Variants in NLGN1 observed in about 807,000 individuals in gnomAD.
NLGN1 encodes neuroligin-1.
A neutral mutation model predicts 65.5 loss-of-function variants in NLGN1; 12 were observed. The observed-to-expected ratio is 0.18, with a 90% CI of 0.12 to 0.30. The LOEUF (loss-of-function observed/expected upper bound fraction) is 0.30. Ranked by LOEUF, NLGN1 falls within the 10% of genes least tolerant of loss-of-function variation. The pLI is 1.00. For missense variants in NLGN1, 750 were observed against 1,007.1 expected (o/e 0.74, Z 3.46); for synonymous variants, 350 against 359.5 (o/e 0.97, Z 0.30).
At position 173,711,053 on chromosome 3, in the gene NLGN1, T is replaced by G. The variant is rs137959532; in HGVS notation, c.494-96627T>G. Among the ~76,000 whole-genome samples the G allele has an allele frequency of 1.0e-2, 1,521 of 152,264 alleles. 24 individuals are homozygous for G. The highest frequency in any genetic ancestry group is 0.028 in the South Asian group (137 of 4,824). ...ACACATATTTATTTATTATTCAATA[T>G]TAGTCTACACAGGCAAGAAGATCCA... On this transcript the variant is annotated intron_variant, in intron 3 of 6. Coordinates refer to ENST00000457714, the Ensembl canonical transcript of NLGN1.
intron 2 of NLGN1, among the ~76,000 whole-genome samples, chr3:173,521,417 A>G (rs1345880189): frequency 6.6e-6 from 1 of 152,248 alleles, no homozygotes; most frequent in African/African-American, 2.4e-5. Flanking sequence ...TTACTTGTTA[A>G]AACCATGGTT....
At chr3:173,989,284 T>C (rs945785882) in intron 4 of NLGN1, among the ~76,000 whole-genome samples, 12 of 152,280 alleles carry the variant, frequency 7.9e-5, no homozygotes, top group Middle Eastern at 3.4e-3. Flanking sequence ...AAGTCAGTTT[T>C]TTAAAAAGAA....
chr3:173,405,173 G>A (rs1372452807), intron 1 of NLGN1, among the ~76,000 whole-genome samples: 2 of 152,034 alleles, frequency 1.3e-5, no homozygotes, highest in South Asian at 2.1e-4. Flanking sequence ...GTTTTTGAAG[G>A]GCTCCGCGAT....
At chr3:174,170,980 T>C (rs899842738) in intron 4 of NLGN1, among the ~76,000 whole-genome samples, 3 of 152,184 alleles carry the variant, frequency 2.0e-5, no homozygotes, top group African/African-American at 7.2e-5. Context: ...AAAATTTACA[T>C]TCATGTCAAG....
intron 4 of NLGN1, among the ~76,000 whole-genome samples, chr3:174,182,558 G>T (rs573986748): frequency 6.6e-6 from 1 of 152,256 alleles, no homozygotes; most frequent in African/African-American, 2.4e-5. Context: ...TAAGGCCTGA[G>T]ATTTTGCATT....
intron 2 of NLGN1, among the ~76,000 whole-genome samples, chr3:173,529,550 G>A (rs1044471303): frequency 1.8e-4 from 28 of 152,132 alleles, no homozygotes; most frequent in Admixed American, 1.6e-3. Context: ...GCCCTAGATC[G>A]GCAAGAACTT....
Position 173,845,868 on chromosome 3 carries a change from A to AT in NLGN1, c.646+38043dup, listed in dbSNP as rs1560483089. On this transcript the variant is annotated intron_variant, in intron 4 of 6. Coordinates refer to ENST00000457714, the Ensembl canonical transcript of NLGN1. ...TTTTCTTAAGTGTTTTTTAATTAAA[A>AT]TTTTTTTCGATATCATAGTATTCAG... Among the ~76,000 whole-genome samples, 5 of 151,946 alleles carry AT rather than the reference A, an allele frequency of 3.3e-5. 1 individual carries two copies. The South Asian group carries it at 8.3e-4, about 25-fold the overall frequency.
chr3:174,095,497 A>G (rs1325024026), intron 4 of NLGN1, among the ~76,000 whole-genome samples: 1 of 145,810 alleles, frequency 6.9e-6, no homozygotes, highest in Non-Finnish European at 1.5e-5. Flanking sequence ...GTGTGTGTGT[A>G]GAATTATGGA....
chr3:173,612,403 G>A (rs1474642998), intron 3 of NLGN1, among the ~76,000 whole-genome samples: 1 of 152,104 alleles, frequency 6.6e-6, no homozygotes, highest in East Asian at 1.9e-4. Context: ...GAGTCAAGAA[G>A]TTTAAAATCA....
At chr3:173,573,067 T>C (rs1744908202) in intron 2 of NLGN1, among the ~76,000 whole-genome samples, 1 of 152,202 alleles carries the variant, frequency 6.6e-6, no homozygotes, top group Non-Finnish European at 1.5e-5. Context: ...TCCATTTGTA[T>C]TACTTCCGAA....
chr3:173,903,845 G>A (rs1161791440), intron 4 of NLGN1, among the ~76,000 whole-genome samples: 1 of 152,156 alleles, frequency 6.6e-6, no homozygotes, highest in African/African-American at 2.4e-5. Flanking sequence ...TCAGGGAGCT[G>A]TAAGGAGATC....
rs1253017735 is a variant in NLGN1 at position 173,501,787 on chromosome 3, T to TATAG, written c.-321+66715_-321+66718dup. Among the ~76,000 whole-genome samples the TATAG allele has an allele frequency of 3.3e-5, 5 of 152,044 alleles. No individual in the cohort carries two copies. In the East Asian group the frequency reaches 9.7e-4, roughly 29 times the overall value. On this transcript the variant is annotated intron_variant, in intron 2 of 6. Coordinates refer to ENST00000457714, the Ensembl canonical transcript of NLGN1. ...AACATCTCATAGTGTAAAGAATAGA[T>TATAG]ATAGATAGAAGATTTTTATCAAAAG...
Position 173,713,292 on chromosome 3 carries a change from T to A in NLGN1, c.494-94388T>A, listed in dbSNP as rs531901776. 5.3e-5 allele frequency among the ~76,000 whole-genome samples: 8 copies of A among 152,292 alleles called. No individual in the cohort carries two copies. In the East Asian group the frequency reaches 9.6e-4, roughly 18 times the overall value. On this transcript the variant is annotated intron_variant, in intron 3 of 6. Coordinates refer to ENST00000457714, the Ensembl canonical transcript of NLGN1. The stretch of plus-strand genomic sequence containing the variant: ...ACAAATGAGTAGTTTTTCAGTGTTT[T>A]CTTTATGCAATGAAATATTTGTATT...
intron 3 of NLGN1, among the ~76,000 whole-genome samples, chr3:173,776,113 C>A (rs1345450998): frequency 1.3e-5 from 2 of 151,978 alleles, no homozygotes; most frequent in Admixed American, 1.3e-4. Flanking sequence ...TAGTATTTTT[C>A]TTAACTAAAG....
chr3:174,292,864 A>G, the NLGN1 span, among the ~76,000 whole-genome samples: 2 of 151,344 alleles, frequency 1.3e-5, no homozygotes, highest in African/African-American at 4.8e-5. Flanking sequence ...CCAAAACCAA[A>G]CCTGTGTATG....
At chr3:174,202,128 C>T (rs1734618173) in intron 4 of NLGN1, among the ~76,000 whole-genome samples, 1 of 152,024 alleles carries the variant, frequency 6.6e-6, no homozygotes, top group Non-Finnish European at 1.5e-5. Flanking sequence ...TCATCTTATC[C>T]CTCTCCGTTG....
At chr3:173,824,715 C>T (rs1404638753) in intron 4 of NLGN1, among the ~76,000 whole-genome samples, 1 of 152,042 alleles carries the variant, frequency 6.6e-6, no homozygotes, top group Non-Finnish European at 1.5e-5. Flanking sequence ...CTCCAACACT[C>T]ATATGATCGT....
chr3:174,091,968 TA>T (rs1394830018), intron 4 of NLGN1, among the ~76,000 whole-genome samples: 1 of 152,182 alleles, frequency 6.6e-6, no homozygotes, highest in Non-Finnish European at 1.5e-5. Context: ...AAATGAATTT[TA>T]AAAATAAATC....
chr3:174,211,572 A>G (rs1223046289), intron 4 of NLGN1, among the ~76,000 whole-genome samples: 1 of 151,442 alleles, frequency 6.6e-6, no homozygotes, highest in African/African-American at 2.4e-5. Context: ...TGAGCTAGAC[A>G]TAAAGGTTCT....
Sources: gnomAD v4.1 joint callset for allele counts (sites outside exome capture counted in the v4.1 genomes callset) on GRCh38, gnomAD v4.1.1 for gene constraint, MANE v1.5 for transcripts, NCBI Gene and HGNC (gene_info 2026-07-23, HGNC 2026-07-21) for gene names.